DOCK2: variants seen among roughly 807,000 people sequenced by gnomAD.
DOCK2 encodes the protein dedicator of cytokinesis protein 2.
DOCK2 carries 87 observed loss-of-function variants against 248.9 expected under a neutral mutation model. The observed-to-expected ratio is 0.35, with a 90% confidence interval of 0.29 to 0.42. The LOEUF is 0.42. DOCK2 is among the 10% of genes least tolerant of loss of function. The probability of loss-of-function intolerance (pLI) is 1.00; values close to 1 mark genes in which losing one functional copy is unlikely to be tolerated. For synonymous variants in DOCK2, 805 were observed against 821.6 expected (o/e 0.98, Z 0.35); for missense variants, 1,747 against 2,300.2 (o/e 0.76, Z 4.92).
chr5:169,907,927 C>G (rs1238927683), intron 27 of DOCK2, among the ~76,000 whole-genome samples: 1 of 152,232 alleles, frequency 6.6e-6, no homozygotes, highest in Non-Finnish European at 1.5e-5. Context: ...GTAAACATCT[C>G]TTGTGCAGGC....
Position 169,763,345 on chromosome 5 carries a change from T to C in DOCK2, c.2554+1720T>C, listed in dbSNP as rs1177436714. 1.3e-5 allele frequency among the ~76,000 whole-genome samples: 2 copies of C among 152,340 alleles called. No homozygotes were observed. Among genetic ancestry groups the C allele is most frequent in the African/African-American group, 2.4e-5 (1 of 41,574 alleles). ...CAGGTGGTGCCACTGCAGAGGCAAA[T>C]TGAGTCCCATCCTAGAGACATGACA... On this transcript the variant is annotated intron_variant, in intron 25 of 51. Coordinates refer to ENST00000520908, the MANE Select transcript of DOCK2 (RefSeq NM_004946.3). The surrounding 1 kb of genome is among the most constrained non-coding windows in gnomAD (Gnocchi z 4.1).
At chr5:170,074,069 A>C (rs1561909480) in intron 46 of DOCK2, among the ~76,000 whole-genome samples, 1 of 152,184 alleles carries the variant, frequency 6.6e-6, no homozygotes, top group Non-Finnish European at 1.5e-5. Context: ...GTAAAACTAA[A>C]GCCATAAATG....
chr5:169,669,708 A>T (rs10035328), intron 3 of DOCK2, among the ~76,000 whole-genome samples: 3,246 of 152,264 alleles, frequency 0.021, 126 homozygotes, highest in African/African-American at 0.075. Context: ...GTCAACACAG[A>T]AAGGACAGGC....
intron 27 of DOCK2, among the ~76,000 whole-genome samples, chr5:169,959,231 A>G (rs1359016320): frequency 6.6e-6 from 1 of 152,054 alleles, no homozygotes; most frequent in Admixed American, 6.6e-5. Context: ...TCTGTACTAA[A>G]AATACAAAAA....
chr5:169,788,327 T>G (rs999108634), intron 25 of DOCK2, among the ~76,000 whole-genome samples: 8 of 149,844 alleles, frequency 5.3e-5, no homozygotes, highest in Non-Finnish European at 1.0e-4. Context: ...AAGCACACGC[T>G]CATGAAACCT....
At chr5:170,079,258 G>A (rs1757943409) in intron 49 of DOCK2, 112 bp downstream of exon 49, 1 of 1,392,292 alleles carries the variant, frequency 7.2e-7, no homozygotes, top group Non-Finnish European at 9.7e-7. Context: ...TGCCACTGCG[G>A]TGCTATGGGT....
At chr5:169,867,252 G>A (rs769998178) in intron 27 of DOCK2, among the ~76,000 whole-genome samples, 17 of 152,150 alleles carry the variant, frequency 1.1e-4, no homozygotes, top group Non-Finnish European at 1.5e-4. Context: ...ATTAGATTCC[G>A]GCCTTAGGCA....
At chr5:169,995,900 A>G (rs1754609362) in intron 29 of DOCK2, among the ~76,000 whole-genome samples, 186 bp from the exon 30 acceptor site, 1 of 152,244 alleles carries the variant, frequency 6.6e-6, no homozygotes, top group African/African-American at 2.4e-5. Context: ...GAGTTCTTGC[A>G]AGGCAAACAG....
At chr5:169,921,754 G>A (rs905397733) in intron 27 of DOCK2, among the ~76,000 whole-genome samples, 5 of 152,178 alleles carry the variant, frequency 3.3e-5, no homozygotes, top group Non-Finnish European at 7.3e-5. Context: ...GAGGATTAGG[G>A]CCCACTGATA....
chr5:169,820,341 C>T (rs895331844), intron 26 of DOCK2, among the ~76,000 whole-genome samples: 2 of 152,172 alleles, frequency 1.3e-5, no homozygotes, highest in Non-Finnish European at 2.9e-5. Context: ...GTCCCTGACC[C>T]CCAAGTAGCC....
chr5:170,008,863 T>C (rs1260836782), intron 32 of DOCK2, 117 bp downstream of exon 32: 1 of 1,242,354 alleles, frequency 8.0e-7, no homozygotes, highest in African/African-American at 1.5e-5. Context: ...TAACAGTTCA[T>C]TACTGTGTGT....
chr5:170,059,881 T>C (rs989942189), intron 44 of DOCK2, among the ~76,000 whole-genome samples: 3 of 152,246 alleles, frequency 2.0e-5, no homozygotes, highest in Non-Finnish European at 4.4e-5. Context: ...TTCTCATAGA[T>C]GGCATTGGGG....
At chr5:169,639,071 A>G (rs537682541) in intron 1 of DOCK2, among the ~76,000 whole-genome samples, 29 of 152,220 alleles carry the variant, frequency 1.9e-4, no homozygotes, top group Admixed American at 8.5e-4. Context: ...TTGAGTGCCA[A>G]CCTTCAAAGT....
intron 2 of DOCK2, among the ~76,000 whole-genome samples, chr5:169,661,335 G>T (rs1205488010): frequency 1.3e-5 from 2 of 152,076 alleles, no homozygotes; most frequent in Non-Finnish European, 2.9e-5. Flanking sequence ...ATATGTTTAA[G>T]GTATACAACA....
At chr5:169,864,517 A>G in intron 27 of DOCK2, 2 of 1,262,540 alleles carry the variant, frequency 1.6e-6, no homozygotes, top group Non-Finnish European at 2.2e-6. Context: ...AGACTGATTA[A>G]GCATCTCTCA....
At chr5:169,661,311 AT>A (rs1561577258) in intron 2 of DOCK2, among the ~76,000 whole-genome samples, 1 of 152,194 alleles carries the variant, frequency 6.6e-6, no homozygotes, top group East Asian at 1.9e-4. Flanking sequence ...CTCTTTAAAA[AT>A]TTTTTTAATT....
In DOCK2 at chr5:170,083,138, A is replaced by T; in HGVS notation, c.*280A>T. On this transcript the variant is annotated 3_prime_UTR_variant, in exon 52 of 52. Coordinates refer to ENST00000520908, the MANE Select transcript of DOCK2 (RefSeq NM_004946.3). ...CTTCTCCCAGTGTGCTCTCCCCAAC[A>T]TCCTAGGCACAGCTTTCATAACCCA... 2.4e-6 allele frequency: 1 copy of T among 412,840 alleles called. No homozygotes were observed. The highest frequency in any genetic ancestry group is 4.0e-5 in the East Asian group (1 of 24,972). 25.6% of individuals were successfully genotyped at this position (412,840 alleles called of 1,614,324 possible). A position where few individuals can be genotyped will look rare whatever the true frequency, so the allele number is the denominator to read the frequency against.
At position 170,069,226 on chromosome 5, in the gene DOCK2, G is replaced by T. The variant is rs945075735; in HGVS notation, c.4728+6G>T. Reference sequence around the variant, plus strand: ...AGGACCTGATTGCATGGCAGGTGAGGCAGCGCTGGCCAGGGGAGCATGCTG... The same window carrying T: ...AGGACCTGATTGCATGGCAGGTGAGTCAGCGCTGGCCAGGGGAGCATGCTG... On this transcript the variant is annotated splice_donor_region_variant and intron_variant, in intron 46 of 51. Coordinates refer to ENST00000520908, the MANE Select transcript of DOCK2 (RefSeq NM_004946.3). The T allele has an allele frequency of 8.1e-6, 13 of 1,613,366 alleles. No homozygotes were observed. In the African/African-American group the frequency reaches 1.5e-4, roughly 18 times the overall value.
chr5:169,923,134 T>G (rs966269536), intron 27 of DOCK2, among the ~76,000 whole-genome samples: 1 of 152,198 alleles, frequency 6.6e-6, no homozygotes, highest in Non-Finnish European at 1.5e-5. Context: ...AGGCCTATGC[T>G]CCTCACCTCT....
Sources: gnomAD v4.1 joint callset for allele counts (sites outside exome capture counted in the v4.1 genomes callset) on GRCh38, gnomAD v4.1.1 for gene constraint, Gnocchi (gnomAD v3.1) non-coding constraint, MANE v1.5 for transcripts, NCBI Gene and HGNC (gene_info 2026-07-23, HGNC 2026-07-21) for gene names.